SERPINE2: variants seen among roughly 807,000 people sequenced by gnomAD.
The protein encoded by SERPINE2 is serpin family E member 2, also known as glia-derived nexin.
Under a neutral mutation model 36.3 loss-of-function variants are expected in SERPINE2, and 14 were observed. That is an observed-to-expected ratio of 0.39 (90% confidence interval 0.25 to 0.60). SERPINE2 has a LOEUF of 0.60. SERPINE2 is among the 20% of genes least tolerant of loss of function. The probability of loss-of-function intolerance (pLI) is 0.57; values close to 1 mark genes in which losing one functional copy is unlikely to be tolerated. For missense variants in SERPINE2, 418 were observed against 499.6 expected (o/e 0.84, Z 1.56); for synonymous variants, 192 against 191.8 (o/e 1.00, Z -0.01).
chr2:224,032,851 C>T (rs1026523794), intron 1 of SERPINE2, among the ~76,000 whole-genome samples: 1 of 152,184 alleles, frequency 6.6e-6, no homozygotes, highest in Non-Finnish European at 1.5e-5. Context: ...GCTCAGTGGC[C>T]ATCCTCATGC....
intron 7 of SERPINE2, chr2:223,977,956 G>T: frequency 4.5e-6 from 1 of 224,652 alleles, no homozygotes; most frequent in Non-Finnish European, 9.1e-6. Flanking sequence ...AACAGTGTTT[G>T]CCACTAAACA....
At chr2:224,016,532 A>G (rs1459669098) in intron 1 of SERPINE2, among the ~76,000 whole-genome samples, 1 of 151,590 alleles carries the variant, frequency 6.6e-6, no homozygotes, top group Non-Finnish European at 1.5e-5. Context: ...ATAGTTTGGT[A>G]GTTTCTGTTT....
chr2:224,011,118 A>G (rs1691610521), intron 1 of SERPINE2, among the ~76,000 whole-genome samples: 1 of 152,184 alleles, frequency 6.6e-6, no homozygotes, highest in African/African-American at 2.4e-5. Context: ...GACTCAGATC[A>G]TTAAATCTGG....
At chr2:224,035,624 C>T (rs1692510714) in intron 1 of SERPINE2, among the ~76,000 whole-genome samples, 1 of 152,210 alleles carries the variant, frequency 6.6e-6, no homozygotes, top group Non-Finnish European at 1.5e-5. Flanking sequence ...CTGGTTCAGC[C>T]TCCCACAGTG....
At chr2:224,013,421 T>G (rs1188747924) in intron 1 of SERPINE2, among the ~76,000 whole-genome samples, 1 of 152,198 alleles carries the variant, frequency 6.6e-6, no homozygotes, top group East Asian at 1.9e-4. Context: ...GGAGACCTAA[T>G]GCAGTGTTCA....
In SERPINE2 at chr2:223,991,785, C is replaced by A; in HGVS notation, c.685+18G>T. Reference sequence around the variant, plus strand: ...CGCCAGCACATCCTAGAACAGGCTTCGCTGAGCATGAACTCACCACACCGG... The same window carrying A: ...CGCCAGCACATCCTAGAACAGGCTTAGCTGAGCATGAACTCACCACACCGG... On this transcript the variant is annotated intron_variant, in intron 4 of 8. Transcript: ENST00000409304. 6.2e-7 allele frequency: 1 copy of A among 1,612,532 alleles called. No homozygotes were observed. The highest frequency in any genetic ancestry group is 8.5e-7 in the Non-Finnish European group (1 of 1,179,372).
intron 1 of SERPINE2, among the ~76,000 whole-genome samples, chr2:224,003,885 A>G (rs923885619): frequency 2.0e-5 from 3 of 152,116 alleles, no homozygotes; most frequent in Admixed American, 6.5e-5. Context: ...GGGGCCTTTT[A>G]AGAGACAGGT....
At chr2:224,008,800 T>C (rs1691516217) in intron 1 of SERPINE2, among the ~76,000 whole-genome samples, 1 of 152,174 alleles carries the variant, frequency 6.6e-6, no homozygotes, top group African/African-American at 2.4e-5. Context: ...ATAAGGAAAA[T>C]CCAAAGTCCA....
intron 2 of SERPINE2, among the ~76,000 whole-genome samples, chr2:224,000,566 C>T (rs895202985): frequency 4.6e-5 from 7 of 152,062 alleles, no homozygotes; most frequent in Non-Finnish European, 8.8e-5. Context: ...ATGTGCAGAA[C>T]GTGTAGGTTT....
At position 224,009,011 on chromosome 2, in the gene SERPINE2, T is replaced by G. The variant is rs573815827; in HGVS notation, c.-22-7089A>C. ...TGGATGATGACAAGATAAAGGAGTCTGCTGGGCATTAAAAGCTGGGCTGGG... is the reference window on the plus strand; with the variant it reads ...TGGATGATGACAAGATAAAGGAGTCGGCTGGGCATTAAAAGCTGGGCTGGG... On this transcript the variant is annotated intron_variant, in intron 1 of 8. Transcript: ENST00000409304. Among the ~76,000 whole-genome samples, 118 of 152,300 alleles carry G rather than the reference T, an allele frequency of 7.7e-4. 1 individual carries two copies. Among genetic ancestry groups the G allele is most frequent in the African/African-American group, 2.1e-3 (87 of 41,566 alleles).
At chr2:223,987,298 T>A (rs1204901027) in intron 4 of SERPINE2, among the ~76,000 whole-genome samples, 1 of 152,100 alleles carries the variant, frequency 6.6e-6, no homozygotes, top group East Asian at 1.9e-4. Flanking sequence ...CAATGTGAGG[T>A]CCCTGCTCAC....
intron 3 of SERPINE2, among the ~76,000 whole-genome samples, chr2:223,997,647 T>C (rs763435546): frequency 1.7e-4 from 26 of 152,194 alleles, no homozygotes; most frequent in Non-Finnish European, 3.7e-4. Flanking sequence ...AAAGTTGTAA[T>C]CATGTGCCAA....
chr2:224,013,822 C>G (rs929103878), intron 1 of SERPINE2: 1 of 152,286 alleles, frequency 6.6e-6, no homozygotes, highest in African/African-American at 2.4e-5. Flanking sequence ...TGCAGAGGAA[C>G]AGCTGCCCAG....
chr2:224,031,858 C>T (rs1042496526), intron 1 of SERPINE2, among the ~76,000 whole-genome samples: 1 of 150,850 alleles, frequency 6.6e-6, no homozygotes, highest in Non-Finnish European at 1.5e-5. Context: ...GTCATGGTCC[C>T]GGAGAGGACA....
At chr2:224,029,882 T>G (rs1692301960) in intron 1 of SERPINE2, among the ~76,000 whole-genome samples, 1 of 152,106 alleles carries the variant, frequency 6.6e-6, no homozygotes, top group South Asian at 2.1e-4. Flanking sequence ...GCATTTTTAG[T>G]AGAGACAGGG....
chr2:224,031,746 A>C (rs1692384253), intron 1 of SERPINE2, among the ~76,000 whole-genome samples: 1 of 146,304 alleles, frequency 6.8e-6, no homozygotes, highest in African/African-American at 2.6e-5. Context: ...CCTCCCTAGG[A>C]TTTCCACCCC....
chr2:223,990,934 T>G (rs1387898064), intron 4 of SERPINE2, among the ~76,000 whole-genome samples: 2 of 152,188 alleles, frequency 1.3e-5, no homozygotes, highest in Non-Finnish European at 2.9e-5. Flanking sequence ...GCCATGTTTG[T>G]GCCACTGTAG....
chr2:223,992,671 T>C (rs1690722804), intron 3 of SERPINE2, among the ~76,000 whole-genome samples: 1 of 152,162 alleles, frequency 6.6e-6, no homozygotes, highest in Non-Finnish European at 1.5e-5. Flanking sequence ...GAAGAGAGGA[T>C]TTTGAATGTT....
intron 5 of SERPINE2, among the ~76,000 whole-genome samples, chr2:223,984,114 A>G (rs1690335012): frequency 6.6e-6 from 1 of 151,988 alleles, no homozygotes; most frequent in Non-Finnish European, 1.5e-5. Flanking sequence ...GATGGTGGGA[A>G]GGCAGCAATG....
Sources: gnomAD v4.1 joint callset for allele counts (sites outside exome capture counted in the v4.1 genomes callset) on GRCh38, gnomAD v4.1.1 for gene constraint, MANE v1.5 for transcripts, NCBI Gene and HGNC (gene_info 2026-07-23, HGNC 2026-07-21) for gene names.